Variants in TFPI2 observed in about 807,000 individuals in gnomAD.
TFPI2 encodes tissue factor pathway inhibitor 2.
A neutral mutation model predicts 23.1 loss-of-function variants in TFPI2; 23 were observed. The observed-to-expected ratio is 1.00, with a 90% CI of 0.72 to 1.41. TFPI2 has a LOEUF of 1.41. TFPI2 is among the 40% of genes most tolerant of loss of function. The pLI is 0.00. For missense variants in TFPI2, 291 were observed against 299.6 expected (o/e 0.97, Z 0.21); for synonymous variants, 119 against 111.7 (o/e 1.07, Z -0.41).
rs1464791273 is a variant in TFPI2, at chr7:93,886,654, G to A, written c.*166C>T. ...TAGACTCACATTTGAATAGCAGCTA[G>A]TTATATATAAAAAAATCCAAATTTT... is the stretch of plus-strand genomic sequence containing the variant. On this transcript the variant is annotated 3_prime_UTR_variant, in exon 5 of 5. Coordinates refer to ENST00000222543, the MANE Select transcript of TFPI2 (RefSeq NM_006528.4). The A allele has an allele frequency of 5.9e-6, 3 of 506,042 alleles. No homozygotes were observed. Among genetic ancestry groups the A allele is most frequent in the African/African-American group, 2.0e-5 (1 of 49,042 alleles). 31.3% of individuals were successfully genotyped at this position (506,042 alleles called of 1,614,324 possible).
intron 4 of TFPI2, 128 bp downstream of exon 4, chr7:93,887,133 G>A (rs1794008465): frequency 2.1e-6 from 2 of 945,232 alleles, no homozygotes; most frequent in Non-Finnish European, 3.1e-6. Context: ...ACACTACGGA[G>A]ATACTTATGT....
At chr7:93,890,490 C>G in intron 1 of TFPI2, 101 bp downstream of exon 1, 2 of 1,462,018 alleles carry the variant, frequency 1.4e-6, no homozygotes, top group Non-Finnish European at 1.8e-6. Context: ...GCGGCAGGGA[C>G]CTGGAGAAAG....
chr7:93,889,101 G>T lies in TFPI2; in HGVS notation c.394C>A (p.Arg132=). ...CEKFFSGGCH[R]NRIENRFPDE... is the part of the protein sequence containing the mutation. Reference sequence around the variant, plus strand: ...GGAAACCTGTTCTCAATCCGGTTCCGGTGACACCCACCGGAAAAGAATTTT... The same window carrying T: ...GGAAACCTGTTCTCAATCCGGTTCCTGTGACACCCACCGGAAAAGAATTTT... The change falls in exon 3 of 5, where the codon CGG becomes AGG. Residue 132 remains arginine (R), a synonymous_variant. Transcript: ENST00000222543. The T allele has an allele frequency of 6.2e-7, 1 of 1,612,534 alleles. No homozygotes were observed. Among genetic ancestry groups the T allele is most frequent in the Non-Finnish European group, 8.5e-7 (1 of 1,179,478 alleles).
At position 93,887,327 on chromosome 7, in the gene TFPI2, T is replaced by G; in HGVS notation, c.565A>C (p.Thr189Pro). 1 of 1,613,866 alleles carries G rather than the reference T, an allele frequency of 6.2e-7. No homozygotes were observed. The highest frequency in any genetic ancestry group is 8.5e-7 in the Non-Finnish European group (1 of 1,179,836). ...RYRTCDAFTY[T>P]GCGGNDNNFV... is the part of the protein sequence containing the mutation. The stretch of plus-strand genomic sequence containing the variant: ...TTATTGTCATTCCCTCCACAGCCAG[T>G]ATAGGTGAAAGCATCACAGGTTCTG... The change falls in exon 4 of 5, where the codon ACT becomes CCT. Residue 189 changes from threonine to proline, a missense_variant. Transcript: ENST00000222543.
At chr7:93,890,086 A>C in intron 2 of TFPI2, 51 bp downstream of exon 2, 1 of 1,504,578 alleles carries the variant, frequency 6.6e-7, no homozygotes, top group Non-Finnish European at 8.9e-7. Context: ...AGCTGCTACC[A>C]GCCGCCGGCG....
At chr7:93,890,452 G>A (rs1024839843) in intron 1 of TFPI2, 133 bp from the exon 2 acceptor site, 38 of 1,413,254 alleles carry the variant, frequency 2.7e-5, no homozygotes, top group Middle Eastern at 1.9e-4. Flanking sequence ...GCAAACTTGG[G>A]AGCGAGTCCC....
In TFPI2 at chr7:93,890,744, G is replaced by A. The variant is rs376803647; in HGVS notation, c.-66C>T. 3.0e-4 allele frequency: 438 copies of A among 1,457,490 alleles called. No individual in the cohort carries two copies. In the African/African-American group the frequency reaches 5.2e-3, roughly 17 times the overall value. The allele number at this position is 1,457,490 out of a possible 1,614,324, so 90.3% of individuals were successfully genotyped here. ...GAAAGCGCCTGGCGGGAGGAGGTGC[G>A]CGGCTTTCTGCTCCAGGCGGCCCGG... On this transcript the variant is annotated 5_prime_UTR_variant, in exon 1 of 5. Coordinates refer to ENST00000222543, the MANE Select transcript of TFPI2 (RefSeq NM_006528.4).
chr7:93,887,438 A>T lies in TFPI2; in HGVS notation c.461-7T>A, dbSNP rs557701177. 6 of 1,600,670 alleles carry T rather than the reference A, an allele frequency of 3.7e-6. No homozygotes were observed. The South Asian group carries it at 6.9e-5, about 18-fold the overall frequency. ...CTGTAGCAAAATGATGGAACTTTAT[A>T]AAAAAGAGAAGAAAATTAGAAATGT... On this transcript the variant is annotated splice_region_variant and splice_polypyrimidine_tract_variant and intron_variant, in intron 3 of 4. Transcript: ENST00000222543.
intron 3 of TFPI2, 101 bp from the exon 4 acceptor site, chr7:93,887,532 C>A: frequency 1.1e-6 from 1 of 911,372 alleles, no homozygotes; most frequent in Non-Finnish European, 1.7e-6. Flanking sequence ...CCCATAGAAG[C>A]CTCAGTCTGA....
At position 93,890,606 on chromosome 7, in the gene TFPI2, C is replaced by T; in HGVS notation, c.73G>A (p.Ala25Thr). The T allele has an allele frequency of 6.2e-7, 1 of 1,613,422 alleles. No homozygotes were observed. The highest frequency in any genetic ancestry group is 2.2e-5 in the East Asian group (1 of 44,836). Residue 25 changes from alanine to threonine, a missense_variant, in exon 1 of 5, where the codon GCT becomes ACT. By Grantham distance (58) the Ala-to-Thr change is moderately conservative (BLOSUM62 0). Transcript: ENST00000222543. The stretch of plus-strand genomic sequence containing the variant: ...GGCCAGATACCTGTTGGCTCCTGAG[C>T]AGCATCGCCCAGTGCAGCCTCCGTC... ...FLTEAALGDA[A>T]QEPTGNNAEI... is the part of the protein sequence containing the mutation.
chr7:93,889,981 A>T, intron 2 of TFPI2, 156 bp downstream of exon 2: 2 of 684,948 alleles, frequency 2.9e-6, no homozygotes, highest in Non-Finnish European at 4.6e-6. Context: ...ATTTGTGATT[A>T]CTTTTAAGAA....
At chr7:93,888,937 T>C (rs1034724055) in intron 3 of TFPI2, 98 bp downstream of exon 3, 17 of 1,118,514 alleles carry the variant, frequency 1.5e-5, no homozygotes, top group South Asian at 1.5e-4. Flanking sequence ...TGTGAAATCA[T>C]GAAAATGCAC....
Position 93,885,931 on chromosome 7 carries a change from C to T in TFPI2, c.*889G>A, listed in dbSNP as rs906557879. 1 of 151,806 alleles carries T rather than the reference C, an allele frequency of 6.6e-6. No homozygotes were observed. Among genetic ancestry groups the T allele is most frequent in the African/African-American group, 2.4e-5 (1 of 41,344 alleles). The allele number at this position is 151,806 out of a possible 1,614,324, so 9.4% of individuals were successfully genotyped here. On this transcript the variant is annotated 3_prime_UTR_variant, in exon 5 of 5. Coordinates refer to ENST00000222543, the MANE Select transcript of TFPI2 (RefSeq NM_006528.4). ...GTTTTATTACAGAGAAAGAAAAAAC[C>T]TATTTCATTGGTATGACCATATTTA...
rs1562777841 is a variant in TFPI2, at chr7:93,887,289, CCTG to C, written c.600_602del (p.Ser200del). The C allele has an allele frequency of 3.1e-6, 5 of 1,612,182 alleles. No homozygotes were observed. In the East Asian group the frequency reaches 8.9e-5, roughly 29 times the overall value. ...TTGCACATGCACGTTTGCAATCCTC[CCTG>C]CTAACAAAGTTATTGTCATTCCCTC... On this transcript the variant is annotated inframe_deletion, in exon 4 of 5. Coordinates refer to ENST00000222543, the MANE Select transcript of TFPI2 (RefSeq NM_006528.4).
In TFPI2 at chr7:93,886,816, A is replaced by G. The variant is rs1264288948; in HGVS notation, c.*4T>C. On this transcript the variant is annotated 3_prime_UTR_variant, in exon 5 of 5. Coordinates refer to ENST00000222543, the MANE Select transcript of TFPI2 (RefSeq NM_006528.4). ...AGACAAACAAGATGACATATTAAGA[A>G]TGTTTAAAATTGCTTCTTCCGAATT... is the stretch of plus-strand genomic sequence containing the variant. The G allele has an allele frequency of 6.5e-7, 1 of 1,543,582 alleles. No homozygotes were observed. The highest frequency in any genetic ancestry group is 2.2e-5 in the Admixed American group (1 of 45,524).
At chr7:93,887,183 G>T in intron 4 of TFPI2, 78 bp downstream of exon 4, 2 of 1,388,348 alleles carry the variant, frequency 1.4e-6, no homozygotes, top group Non-Finnish European at 9.7e-7. Context: ...TTAGTAAAAT[G>T]GATAAATAAA....
chr7:93,890,713 G>A lies in TFPI2; in HGVS notation c.-35C>T. The A allele has an allele frequency of 6.3e-7, 1 of 1,582,068 alleles. No individual in the cohort carries two copies. Among genetic ancestry groups the A allele is most frequent in the Non-Finnish European group, 8.6e-7 (1 of 1,161,692 alleles). On this transcript the variant is annotated 5_prime_UTR_variant, in exon 1 of 5. The change creates a new upstream start codon in the 5' untranslated region. Coordinates refer to ENST00000222543, the MANE Select transcript of TFPI2 (RefSeq NM_006528.4). ...GGTCGGGCGGCCCGCTGGGCAAGGC[G>A]TCCGAGAAAGCGCCTGGCGGGAGGA...
rs139010214 is a variant in TFPI2, at chr7:93,887,398, C to G, written c.494G>C (p.Gly165Ala). 160 of 1,613,152 alleles carry G rather than the reference C, an allele frequency of 9.9e-5. 1 individual carries two copies. In the East Asian group the frequency reaches 2.2e-3, roughly 22 times the overall value. ...GCGAGTCACATTGGCAGAGCACAGT[C>G]CCTCATCTTTTGGACTGTAGCAAAA... ...PSFCYSPKDE[G>A]LCSANVTRYY... is the part of the protein sequence containing the mutation. Residue 165 changes from glycine (G) to alanine (A), a missense_variant, in exon 4 of 5, where the codon GGA becomes GCA. Transcript: ENST00000222543.
At chr7:93,890,474 G>A in intron 1 of TFPI2, 117 bp downstream of exon 1, 2 of 1,428,164 alleles carry the variant, frequency 1.4e-6, no homozygotes. Flanking sequence ...CCTGCCAGCG[G>A]AGCGCGCGGC....
Sources: allele counts gnomAD v4.1 joint callset, GRCh38; gene constraint gnomAD v4.1.1; transcripts MANE v1.5; gene names NCBI Gene and HGNC (gene_info 2026-07-23, HGNC 2026-07-21).